Variants in ATP8B4 observed in about 807,000 individuals in gnomAD.
ATP8B4 encodes probable phospholipid-transporting ATPase IM.
A neutral mutation model predicts 145.6 loss-of-function variants in ATP8B4; 133 were observed. The observed-to-expected ratio is 0.91, with a 90% CI of 0.79 to 1.05. The LOEUF is 1.05. ATP8B4 is among the 50% of genes least tolerant of loss of function. ATP8B4 has a pLI of 0.00. For synonymous variants in ATP8B4, 507 were observed against 492.9 expected, an observed-to-expected ratio of 1.03 and a Z score of -0.38; for missense variants, 1,458 against 1,425.2, an observed-to-expected ratio of 1.02 and a Z score of -0.37.
At position 50,033,029 on chromosome 15, in the gene ATP8B4, T is replaced by A. The variant is rs78888335; in HGVS notation, c.362+5739A>T. Among the ~76,000 whole-genome samples the A allele has an allele frequency of 7.3e-3, 1,117 of 152,254 alleles. 21 individuals carry two copies. The highest frequency in any genetic ancestry group is 0.026 in the African/African-American group (1,078 of 41,530). On this transcript the variant is annotated intron_variant, in intron 6 of 27. Transcript: ENST00000284509. ...GGAGTCATCACTCAAACTAGAAAAG[T>A]TGATTGAACAAGTTGTTCCTATTGA...
At position 49,950,489 on chromosome 15, in the gene ATP8B4, C is replaced by T. The variant is rs770206071; in HGVS notation, c.1287+11488G>A. Among the ~76,000 whole-genome samples, 49 of 151,182 alleles carry T rather than the reference C, an allele frequency of 3.2e-4. 1 individual carries two copies. Among genetic ancestry groups the T allele is most frequent in the South Asian group, 1.0e-3 (5 of 4,786 alleles). On this transcript the variant is annotated intron_variant, in intron 14 of 27. Transcript: ENST00000284509. ...TCTCTGATGGTAGTTTGTGTTTCTGCGAGGTCAGTGGTGATATTCCCTTTA... is the reference window on the plus strand; with the variant it reads ...TCTCTGATGGTAGTTTGTGTTTCTGTGAGGTCAGTGGTGATATTCCCTTTA...
chr15:49,906,600 GT>G (rs993323707), intron 20 of ATP8B4, among the ~76,000 whole-genome samples: 5 of 152,124 alleles, frequency 3.3e-5, no homozygotes, highest in East Asian at 1.9e-4. Flanking sequence ...CGAAACTTTT[GT>G]TTTTGAGCAC....
chr15:49,908,028 T>C (rs748233245), intron 20 of ATP8B4: 4 of 455,956 alleles, frequency 8.8e-6, no homozygotes, highest in East Asian at 6.9e-5. Context: ...ACGGACTACT[T>C]TGGGCAAGTT....
At chr15:49,983,407 A>G (rs2046323578) in intron 10 of ATP8B4, among the ~76,000 whole-genome samples, 1 of 152,112 alleles carries the variant, frequency 6.6e-6, no homozygotes, top group African/African-American at 2.4e-5. Flanking sequence ...TATCATCCTC[A>G]CCTTCAAGCC....
chr15:50,157,880 C>A (rs1009147456), intron 1 of ATP8B4, among the ~76,000 whole-genome samples: 1 of 151,872 alleles, frequency 6.6e-6, no homozygotes, highest in Non-Finnish European at 1.5e-5. Context: ...TCAGCCTGCC[C>A]AGTGCCTGCG....
intron 1 of ATP8B4, among the ~76,000 whole-genome samples, chr15:50,180,678 A>C (rs1045257077): frequency 6.6e-6 from 1 of 152,156 alleles, no homozygotes; most frequent in Admixed American, 6.5e-5. Flanking sequence ...AGTGCACATG[A>C]GAATGGTTTC....
chr15:49,860,944 T>A (rs747824837), intron 27 of ATP8B4, among the ~76,000 whole-genome samples: 1 of 152,132 alleles, frequency 6.6e-6, no homozygotes, highest in Non-Finnish European at 1.5e-5. Flanking sequence ...GCTCAACGTA[T>A]CATGAGACTT....
At position 50,077,142 on chromosome 15, in the gene ATP8B4, C is replaced by T. The variant is rs191178739; in HGVS notation, c.29-2957G>A. 3.3e-3 allele frequency among the ~76,000 whole-genome samples: 505 copies of T among 152,300 alleles called. 1 individual carries two copies. Among genetic ancestry groups the T allele is most frequent in the African/African-American group, 0.012 (478 of 41,546 alleles). Reference sequence around the variant, plus strand: ...TTGATGATTTACCAGTGTGAACTCACACCTGCACAATTATCACTGAATTTG... The same window carrying T: ...TTGATGATTTACCAGTGTGAACTCATACCTGCACAATTATCACTGAATTTG... On this transcript the variant is annotated intron_variant, in intron 2 of 27. Transcript: ENST00000284509.
At chr15:49,991,562 TTTATA>T (rs778193289) in intron 9 of ATP8B4, among the ~76,000 whole-genome samples, 8 of 152,220 alleles carry the variant, frequency 5.3e-5, no homozygotes, top group Non-Finnish European at 1.2e-4. Context: ...CCAATCTCTT[TTTATA>T]TTATATTTGA....
chr15:50,041,445 G>C (rs746886065), intron 5 of ATP8B4, among the ~76,000 whole-genome samples: 3 of 152,220 alleles, frequency 2.0e-5, no homozygotes, highest in Non-Finnish European at 4.4e-5. Flanking sequence ...GGCTTGAGAA[G>C]TAGCATTTGT....
At chr15:49,972,507 AT>A (rs549268537) in intron 13 of ATP8B4, 74 bp downstream of exon 13, 282 of 1,404,664 alleles carry the variant, frequency 2.0e-4, no homozygotes, top group African/African-American at 1.0e-3. Context: ...GGATTTTTAA[AT>A]TTTTTTTTAA....
At chr15:50,111,494 T>C (rs570826880) in intron 1 of ATP8B4, among the ~76,000 whole-genome samples, 1 of 152,332 alleles carries the variant, frequency 6.6e-6, no homozygotes, top group East Asian at 1.9e-4. Context: ...TGAATTATGG[T>C]CCAAAGTCTA....
chr15:50,009,091 C>G (rs1380146359), intron 7 of ATP8B4, among the ~76,000 whole-genome samples: 1 of 152,066 alleles, frequency 6.6e-6, no homozygotes, highest in African/African-American at 2.4e-5. Flanking sequence ...CTTAGAAGCA[C>G]CAAAACTCTT....
At chr15:49,898,617 A>G (rs2037682712) in intron 21 of ATP8B4, among the ~76,000 whole-genome samples, 2 of 152,234 alleles carry the variant, frequency 1.3e-5, no homozygotes, top group African/African-American at 2.4e-5. Flanking sequence ...CAGCTCACCA[A>G]GTTTAGAATG....
chr15:49,860,064 C>G lies in ATP8B4; in HGVS notation c.*130G>C, dbSNP rs1025389926. 6 of 1,147,984 alleles carry G rather than the reference C, an allele frequency of 5.2e-6. No homozygotes were observed. Among genetic ancestry groups the G allele is most frequent in the East Asian group, 4.8e-5 (2 of 42,012 alleles). The allele number at this position is 1,147,984 out of a possible 1,614,324, so 71.1% of individuals were successfully genotyped here. A position where few individuals can be genotyped will look rare whatever the true frequency, so the allele number is the denominator to read the frequency against. On this transcript the variant is annotated 3_prime_UTR_variant, in exon 28 of 28. Coordinates refer to ENST00000284509, the MANE Select transcript of ATP8B4 (RefSeq NM_024837.4). ...TTGATGGGCACTGGCAGTTGTCTGC[C>G]GCAGATTTAAGTTAAGTGAGGCAAT...
chr15:50,101,789 C>T (rs1193002229), intron 2 of ATP8B4, among the ~76,000 whole-genome samples: 1 of 152,146 alleles, frequency 6.6e-6, no homozygotes, highest in African/African-American at 2.4e-5. Context: ...GCAGAATACA[C>T]ATTCTATTCA....
chr15:50,112,692 A>C (rs1263901890), intron 1 of ATP8B4, among the ~76,000 whole-genome samples: 1 of 152,030 alleles, frequency 6.6e-6, no homozygotes, highest in Non-Finnish European at 1.5e-5. Context: ...TGTAAAGTGG[A>C]GATGGGAATG....
At chr15:50,172,751 C>T (rs1340468035) in intron 1 of ATP8B4, among the ~76,000 whole-genome samples, 1 of 151,160 alleles carries the variant, frequency 6.6e-6, no homozygotes, top group Non-Finnish European at 1.5e-5. Context: ...GCCTCTGCCC[C>T]GCCGCCCCGT....
At chr15:49,930,708 T>C (rs1230831137) in intron 16 of ATP8B4, among the ~76,000 whole-genome samples, 1 of 152,090 alleles carries the variant, frequency 6.6e-6, no homozygotes, top group Non-Finnish European at 1.5e-5. Context: ...CTTCAAACTA[T>C]GCGAACCTGG....
Sources: gnomAD v4.1 joint callset for allele counts (sites outside exome capture counted in the v4.1 genomes callset) on GRCh38, gnomAD v4.1.1 for gene constraint, MANE v1.5 for transcripts, NCBI Gene and HGNC (gene_info 2026-07-23, HGNC 2026-07-21) for gene names.